Variants in SLC39A9 observed in about 807,000 individuals in gnomAD.
The protein encoded by SLC39A9 is solute carrier family 39 member 9.
Under a neutral mutation model 28.4 loss-of-function variants are expected in SLC39A9, and 14 were observed. That is an observed-to-expected ratio of 0.49 (90% CI 0.33 to 0.77). The LOEUF is 0.77. Ranked by LOEUF, SLC39A9 falls within the 30% of genes least tolerant of loss-of-function variation. The pLI is 0.02. For synonymous variants in SLC39A9, 119 were observed against 149.6 expected (o/e 0.80, Z 1.49); for missense variants, 283 against 381.1 (o/e 0.74, Z 2.14).
chr14:69,406,369 TA>T (rs1376456064), intron 1 of SLC39A9, among the ~76,000 whole-genome samples: 1 of 152,212 alleles, frequency 6.6e-6, no homozygotes, highest in African/African-American at 2.4e-5. Context: ...AGGTTAGTCG[TA>T]AATTGTGCTG....
rs185392766 is a variant in SLC39A9 at position 69,421,484 on chromosome 14, T to C, written c.97-2610T>C. 3.0e-4 allele frequency among the ~76,000 whole-genome samples: 45 copies of C among 152,352 alleles called. 1 individual carries two copies. In the East Asian group the frequency reaches 7.9e-3, roughly 27 times the overall value. On this transcript the variant is annotated intron_variant, in intron 1 of 6. Coordinates refer to ENST00000336643, the MANE Select transcript of SLC39A9 (RefSeq NM_018375.5). The stretch of plus-strand genomic sequence containing the variant: ...GAGACCCACTTGAGGAGGCAGTCTG[T>C]CTATTCTCAGAGCTCAGACACCATT...
chr14:69,427,082 G>T (rs570116504), intron 2 of SLC39A9, among the ~76,000 whole-genome samples: 1 of 149,732 alleles, frequency 6.7e-6, no homozygotes, highest in African/African-American at 2.5e-5. Flanking sequence ...GATCACTGCA[G>T]CCTTGACTTC....
At chr14:69,445,365 A>G (rs902799648) in intron 3 of SLC39A9, among the ~76,000 whole-genome samples, 2 of 152,082 alleles carry the variant, frequency 1.3e-5, no homozygotes, top group Non-Finnish European at 2.9e-5. Context: ...CTTTATGATG[A>G]TCCACTTCCA....
chr14:69,447,939 GCA>G (rs1348156731), intron 3 of SLC39A9, among the ~76,000 whole-genome samples: 1 of 149,770 alleles, frequency 6.7e-6, no homozygotes, highest in Non-Finnish European at 1.5e-5. Flanking sequence ...AAGTGATGGG[GCA>G]CAGTCACTCA....
chr14:69,448,863 AACTT>A (rs1363648715), intron 3 of SLC39A9, among the ~76,000 whole-genome samples: 23 of 152,178 alleles, frequency 1.5e-4, no homozygotes, highest in Admixed American at 5.9e-4. Context: ...TGATGTGTGC[AACTT>A]ACTTTTAAAT....
At chr14:69,428,991 C>T (rs1343592897) in intron 2 of SLC39A9, 2 of 152,312 alleles carry the variant, frequency 1.3e-5, no homozygotes, top group African/African-American at 2.4e-5. Flanking sequence ...TCTCATCAGA[C>T]AAGGGCAATT....
At position 69,461,506 on chromosome 14, in the gene SLC39A9, C is replaced by T; in HGVS notation, c.*2913C>T. On this transcript the variant is annotated 3_prime_UTR_variant, in exon 7 of 7. Coordinates refer to ENST00000336643, the MANE Select transcript of SLC39A9 (RefSeq NM_018375.5). ...GTTATGTGTTTTCTCTTTCTCCCCG[C>T]TTTCACCTCTTTCTTTCCCAATTCA... 1 of 1,434,782 alleles carries T rather than the reference C, an allele frequency of 7.0e-7. No homozygotes were observed. Among genetic ancestry groups the T allele is most frequent in the Non-Finnish European group, 9.1e-7 (1 of 1,098,202 alleles). The allele number at this position is 1,434,782 out of a possible 1,614,324, so 88.9% of individuals were successfully genotyped here.
intron 2 of SLC39A9, 152 bp from the exon 3 acceptor site, chr14:69,441,917 A>G: frequency 7.1e-7 from 1 of 1,411,104 alleles, no homozygotes; most frequent in South Asian, 1.6e-5. Flanking sequence ...CTTTAAGTTG[A>G]AGGAGTTAAT....
chr14:69,431,510 C>T (rs1884489934), intron 2 of SLC39A9, among the ~76,000 whole-genome samples: 1 of 151,232 alleles, frequency 6.6e-6, no homozygotes, highest in Non-Finnish European at 1.5e-5. Flanking sequence ...CAGTCTTTCA[C>T]CATTAAATAT....
Position 69,460,241 on chromosome 14 carries a change from T to C in SLC39A9, c.*1648T>C. Reference sequence around the variant, plus strand: ...TATGACGCATAAGCTAGCATGCCTATGATTTATTTCCTTCATGAATTTGTC... The same window carrying C: ...TATGACGCATAAGCTAGCATGCCTACGATTTATTTCCTTCATGAATTTGTC... On this transcript the variant is annotated 3_prime_UTR_variant, in exon 7 of 7. Coordinates refer to ENST00000336643, the MANE Select transcript of SLC39A9 (RefSeq NM_018375.5). The C allele has an allele frequency of 2.0e-6, 2 of 985,898 alleles. No individual in the cohort carries two copies. Among genetic ancestry groups the C allele is most frequent in the Non-Finnish European group, 2.4e-6 (2 of 829,940 alleles). The allele number at this position is 985,898 out of a possible 1,614,324, so 61.1% of individuals were successfully genotyped here.
Position 69,442,248 on chromosome 14 carries a change from C to T in SLC39A9, c.385C>T (p.His129Tyr). 6.2e-7 allele frequency: 1 copy of T among 1,614,184 alleles called. No individual in the cohort carries two copies. Among genetic ancestry groups the T allele is most frequent in the Non-Finnish European group, 8.5e-7 (1 of 1,180,026 alleles). ...MLLVDQIGNSHVHSTDDPEAA... is the reference protein window; with the variant it reads ...MLLVDQIGNSYVHSTDDPEAA... ...GCTGGTGGACCAGATTGGTAACTCC[C>T]ATGTGCATTCTACTGACGGTGAGTG... The change falls in exon 3 of 7, where the codon CAT becomes TAT. Residue 129 changes from histidine (H) to tyrosine (Y), a missense_variant. Physicochemically the swap from His to Tyr is moderately conservative, Grantham distance 83. Coordinates refer to ENST00000336643, the MANE Select transcript of SLC39A9 (RefSeq NM_018375.5).
chr14:69,457,192 A>T (rs557614265), intron 6 of SLC39A9, among the ~76,000 whole-genome samples: 19 of 152,080 alleles, frequency 1.2e-4, no homozygotes, highest in African/African-American at 4.1e-4. Context: ...ATACACACAC[A>T]CACACACACA....
chr14:69,414,209 G>A (rs148322670), intron 1 of SLC39A9, among the ~76,000 whole-genome samples: 4 of 152,108 alleles, frequency 2.6e-5, no homozygotes, highest in Non-Finnish European at 4.4e-5. Context: ...CATCATACTC[G>A]GCTAAGTTTT....
At chr14:69,437,937 C>G (rs1046417406) in intron 2 of SLC39A9, among the ~76,000 whole-genome samples, 1 of 151,898 alleles carries the variant, frequency 6.6e-6, no homozygotes, top group Admixed American at 6.6e-5. Context: ...TTTTTTACAT[C>G]TTTCTTCATA....
At position 69,461,664 on chromosome 14, in the gene SLC39A9, A is replaced by G; in HGVS notation, c.*3071A>G. 1 of 1,535,700 alleles carries G rather than the reference A, an allele frequency of 6.5e-7. No homozygotes were observed. Among genetic ancestry groups the G allele is most frequent in the Admixed American group, 2.0e-5 (1 of 50,974 alleles). On this transcript the variant is annotated 3_prime_UTR_variant, in exon 7 of 7. Coordinates refer to ENST00000336643, the MANE Select transcript of SLC39A9 (RefSeq NM_018375.5). ...GTTTTTTTTTTACCAGCCTACTTCTAAGTGTCACTGCCTGGTTTTTCTCTT... is the reference window on the plus strand; with the variant it reads ...GTTTTTTTTTTACCAGCCTACTTCTGAGTGTCACTGCCTGGTTTTTCTCTT...
At chr14:69,438,034 T>C (rs1227074236) in intron 2 of SLC39A9, among the ~76,000 whole-genome samples, 12 of 151,694 alleles carry the variant, frequency 7.9e-5, no homozygotes, top group Non-Finnish European at 5.9e-5. Context: ...CTTTTTTTTT[T>C]TTTTGAGACA....
Position 69,461,801 on chromosome 14 carries a change from C to G in SLC39A9, c.*3208C>G. The stretch of plus-strand genomic sequence containing the variant: ...AACCGTATGACAGCAGCACAAACCC[C>G]CAAAGGATGTTCCTGCCTTGTGGGC... On this transcript the variant is annotated 3_prime_UTR_variant, in exon 7 of 7. Coordinates refer to ENST00000336643, the MANE Select transcript of SLC39A9 (RefSeq NM_018375.5). The G allele has an allele frequency of 2.0e-6, 3 of 1,493,598 alleles. No homozygotes were observed. Among genetic ancestry groups the G allele is most frequent in the Non-Finnish European group, 2.7e-6 (3 of 1,116,432 alleles). The allele number at this position is 1,493,598 out of a possible 1,614,324, so 92.5% of individuals were successfully genotyped here.
intron 1 of SLC39A9, among the ~76,000 whole-genome samples, chr14:69,406,465 CTAAT>C (rs1476272279): frequency 6.6e-6 from 1 of 152,140 alleles, no homozygotes; most frequent in Non-Finnish European, 1.5e-5. Context: ...AACCTCTCCT[CTAAT>C]TAAAGAATTT....
chr14:69,427,230 C>G (rs990690569), intron 2 of SLC39A9, among the ~76,000 whole-genome samples: 16 of 151,932 alleles, frequency 1.1e-4, no homozygotes, highest in Admixed American at 7.9e-4. Context: ...TCTCGAACTC[C>G]TGGGCTCAAG....
Sources: gnomAD v4.1 joint callset for allele counts (sites outside exome capture counted in the v4.1 genomes callset) on GRCh38, gnomAD v4.1.1 for gene constraint, MANE v1.5 for transcripts, NCBI Gene and HGNC (gene_info 2026-07-23, HGNC 2026-07-21) for gene names.